The following ZNF267 variants were observed in gnomAD, a reference collection of about 807,000 sequenced individuals.
ZNF267 encodes zinc finger protein 267, also known as zinc finger (C2H2).
Under a neutral mutation model 71.6 loss-of-function variants are expected in ZNF267, and 61 were observed. That is an observed-to-expected ratio of 0.85 (90% CI 0.69 to 1.05). The LOEUF (loss-of-function observed/expected upper bound fraction) is 1.05, where lower values mean the gene tolerates loss of function less well. Among genes scored for constraint, ZNF267 ranks in the 50% least tolerant of loss-of-function variants. The pLI, the probability that ZNF267 is intolerant of heterozygous loss-of-function variation, is 0.00. For synonymous variants in ZNF267, 288 were observed against 293.2 expected (o/e 0.98, Z 0.18); for missense variants, 852 against 870.0 (o/e 0.98, Z 0.26).
At chr16:31,906,583 C>T (rs903339309) in intron 3 of ZNF267, among the ~76,000 whole-genome samples, 15 of 152,132 alleles carry the variant, frequency 9.9e-5, no homozygotes, top group Non-Finnish European at 1.9e-4. Context: ...GAGCCAGGTG[C>T]GGGATATAAT....
intron 1 of ZNF267, among the ~76,000 whole-genome samples, chr16:31,876,038 A>G (rs1567470257): frequency 1.3e-5 from 2 of 152,186 alleles, no homozygotes; most frequent in Non-Finnish European, 2.9e-5. Context: ...GAAAAGAAAC[A>G]GAGAAAATCT....
chr16:31,884,932 G>A (rs1215518312), intron 2 of ZNF267, among the ~76,000 whole-genome samples: 1 of 152,084 alleles, frequency 6.6e-6, no homozygotes, highest in East Asian at 1.9e-4. Context: ...ATTTGCAGAA[G>A]CTCAGGATCC....
chr16:31,876,479 A>T (rs2142327151), intron 1 of ZNF267, among the ~76,000 whole-genome samples: 1 of 152,330 alleles, frequency 6.6e-6, no homozygotes, highest in Non-Finnish European at 1.5e-5. Context: ...TTGGCCTCCC[A>T]AAGTGCTGGG....
chr16:31,883,709 T>C (rs2083905327), intron 1 of ZNF267, among the ~76,000 whole-genome samples: 1 of 152,260 alleles, frequency 6.6e-6, no homozygotes, highest in South Asian at 2.1e-4. Context: ...TCTGATATAT[T>C]GTGCATGTTC....
chr16:31,885,019 C>A (rs934311022), intron 2 of ZNF267, 142 bp from the exon 3 acceptor site: 1 of 553,242 alleles, frequency 1.8e-6, no homozygotes, highest in Non-Finnish European at 2.9e-6. Flanking sequence ...TTTCAAGAAT[C>A]TTCTATAATG....
rs2084173503 is a variant in ZNF267 at position 31,916,025 on chromosome 16, T to C, written c.1776T>C (p.Thr592=). ...CTTTTAGTGACTCCTCAGGTCTTAC[T>C]GTGCATCGGCGAACTCATACTGGAG... The part of the protein sequence containing the change: ...SKSFSDSSGL[T]VHRRTHTGEK... The change falls in exon 4 of 4, where the codon ACT becomes ACC. Residue 592 remains threonine (T), a synonymous_variant. Coordinates refer to ENST00000300870, the MANE Select transcript of ZNF267 (RefSeq NM_003414.6). The C allele has an allele frequency of 1.9e-6, 3 of 1,613,880 alleles. No homozygotes were observed. Among genetic ancestry groups the C allele is most frequent in the Non-Finnish European group, 2.5e-6 (3 of 1,179,998 alleles).
At chr16:31,892,795 C>A (rs1475435833) in intron 3 of ZNF267, among the ~76,000 whole-genome samples, 3 of 152,250 alleles carry the variant, frequency 2.0e-5, no homozygotes, top group Non-Finnish European at 4.4e-5. Flanking sequence ...TGGGCTCTTA[C>A]AGCCTTGGGC....
intron 3 of ZNF267, among the ~76,000 whole-genome samples, chr16:31,887,251 C>CTTTTTTTTTTTTTTT (rs760504639): frequency 7.7e-6 from 1 of 130,064 alleles, no homozygotes. Context: ...GTCAGATTTA[C>CTTTTTTTTTTTTTTT]TTTTTTTTTT....
At chr16:31,883,805 A>C (rs187321669) in intron 1 of ZNF267, among the ~76,000 whole-genome samples, 3 of 152,346 alleles carry the variant, frequency 2.0e-5, no homozygotes, top group Admixed American at 1.3e-4. Flanking sequence ...TTCTTTCCTC[A>C]GTGTTCGACC....
At chr16:31,901,066 T>C (rs1782529491) in intron 3 of ZNF267, among the ~76,000 whole-genome samples, 1 of 152,198 alleles carries the variant, frequency 6.6e-6, no homozygotes, top group Non-Finnish European at 1.5e-5. Context: ...TTTTTTGTCC[T>C]TGGGATGGTT....
At chr16:31,900,644 C>T (rs2084032608) in intron 3 of ZNF267, among the ~76,000 whole-genome samples, 1 of 151,688 alleles carries the variant, frequency 6.6e-6, no homozygotes, top group Non-Finnish European at 1.5e-5. Flanking sequence ...TGGGGTTTCA[C>T]TGCATTAGCT....
At chr16:31,882,396 C>G (rs2083896746) in intron 1 of ZNF267, among the ~76,000 whole-genome samples, 1 of 152,146 alleles carries the variant, frequency 6.6e-6, no homozygotes, top group Non-Finnish European at 1.5e-5. Context: ...GCGTAAGGGA[C>G]TCTGTGCTGT....
At chr16:31,877,760 G>T (rs2083862084) in intron 1 of ZNF267, among the ~76,000 whole-genome samples, 1 of 151,972 alleles carries the variant, frequency 6.6e-6, no homozygotes, top group Admixed American at 6.5e-5. Flanking sequence ...CACAAAAGAT[G>T]GGGGATTTCT....
intron 3 of ZNF267, among the ~76,000 whole-genome samples, chr16:31,908,634 A>G (rs1464881453): frequency 6.6e-6 from 1 of 151,480 alleles, no homozygotes; most frequent in African/African-American, 2.4e-5. Context: ...ATATATATGG[A>G]TATCCAGTTT....
intron 3 of ZNF267, among the ~76,000 whole-genome samples, chr16:31,891,910 C>A (rs954848954): frequency 2.0e-5 from 3 of 152,090 alleles, no homozygotes; most frequent in African/African-American, 7.2e-5. Context: ...GGGTAGCAGG[C>A]AGAGATTAGA....
At chr16:31,900,310 A>G (rs1302673012) in intron 3 of ZNF267, among the ~76,000 whole-genome samples, 1 of 152,194 alleles carries the variant, frequency 6.6e-6, no homozygotes, top group Non-Finnish European at 1.5e-5. Context: ...AGAAAACTTT[A>G]TACTGTTACA....
chr16:31,886,896 G>T (rs973028044), intron 3 of ZNF267, among the ~76,000 whole-genome samples: 3 of 152,110 alleles, frequency 2.0e-5, no homozygotes, highest in Non-Finnish European at 4.4e-5. Flanking sequence ...AGCATTGAAG[G>T]TTCATATAAT....
chr16:31,915,228 TGTG>T lies in ZNF267; in HGVS notation c.981_983del (p.Cys327_Gly328delinsTrp), dbSNP rs2084165508. On this transcript the variant is annotated inframe_deletion, in exon 4 of 4. Transcript: ENST00000300870. ...AGAGAAACCATACAAATGTGAAAAA[TGTG>T]GGGATAGCTTAAACCATAGTTTGCA... is the stretch of plus-strand genomic sequence containing the variant. The T allele has an allele frequency of 6.2e-7, 1 of 1,613,616 alleles. No homozygotes were observed. The highest frequency in any genetic ancestry group is 1.3e-5 in the African/African-American group (1 of 74,838).
Position 31,917,265 on chromosome 16 carries a change from T to C in ZNF267, c.*784T>C, listed in dbSNP as rs921490990. On this transcript the variant is annotated 3_prime_UTR_variant, in exon 4 of 4. Transcript: ENST00000300870. Reference sequence around the variant, plus strand: ...TAAAACACATGAAAATTTTTAAAAATATGCTCTTTGTGTTTGAATAAAGTA... The same window carrying C: ...TAAAACACATGAAAATTTTTAAAAACATGCTCTTTGTGTTTGAATAAAGTA... 1 of 152,158 alleles carries C rather than the reference T, an allele frequency of 6.6e-6. No homozygotes were observed. The highest frequency in any genetic ancestry group is 2.4e-5 in the African/African-American group (1 of 41,424). The allele number at this position is 152,158 out of a possible 1,614,324, so 9.4% of individuals were successfully genotyped here. A position where few individuals can be genotyped will look rare whatever the true frequency, so the allele number is the denominator to read the frequency against.
Sources: gnomAD v4.1 joint callset for allele counts (sites outside exome capture counted in the v4.1 genomes callset) on GRCh38, gnomAD v4.1.1 for gene constraint, MANE v1.5 for transcripts, NCBI Gene and HGNC (gene_info 2026-07-23, HGNC 2026-07-21) for gene names.